Variants in SLC35H1 observed in about 807,000 individuals in gnomAD.
The protein encoded by SLC35H1 is solute carrier family 35 member H1, also known as ovarian cancer-overexpressed gene 1 protein.
the SLC35H1 span, chr20:46,347,677 G>C: frequency 6.6e-6 from 1 of 152,218 alleles, no homozygotes; most frequent in Non-Finnish European, 1.5e-5. Flanking sequence ...TTTCACAGCA[G>C]GATAAAGCAG....
the SLC35H1 span, chr20:46,357,732 G>A: frequency 7.4e-6 from 12 of 1,614,096 alleles, no homozygotes; most frequent in South Asian, 3.3e-5. Context: ...GGAAGATCAC[G>A]GCCAGGTGCA....
the SLC35H1 span, among the ~76,000 whole-genome samples, chr20:46,358,145 G>A: frequency 3.3e-5 from 5 of 152,160 alleles, no homozygotes; most frequent in African/African-American, 1.2e-4. Flanking sequence ...GCTGCTGCTT[G>A]AGCCCCAGTT....
the SLC35H1 span, chr20:46,358,872 CA>C: frequency 1.4e-6 from 1 of 739,904 alleles, no homozygotes; most frequent in Non-Finnish European, 2.3e-6. Flanking sequence ...GGGCTGCCCA[CA>C]ACGGCACAGG....
chr20:46,358,543 G>A, the SLC35H1 span: 20 of 1,613,968 alleles, frequency 1.2e-5, no homozygotes, highest in African/African-American at 6.7e-5. Context: ...CTGAGTCAGC[G>A]GGGGCAGGCA....
At chr20:46,350,655 G>C in the SLC35H1 span, 4 of 1,526,990 alleles carry the variant, frequency 2.6e-6, no homozygotes, top group Admixed American at 1.9e-5. Flanking sequence ...CTTCCTAGAG[G>C]AGTGACGGCA....
chr20:46,362,179 C>T, the SLC35H1 span, among the ~76,000 whole-genome samples: 1 of 152,200 alleles, frequency 6.6e-6, no homozygotes, highest in Non-Finnish European at 1.5e-5. Context: ...GAGCATTTAT[C>T]AAGCACTCCT....
At chr20:46,352,294 C>A in the SLC35H1 span, 1 of 1,380,194 alleles carries the variant, frequency 7.2e-7, no homozygotes, top group Non-Finnish European at 1.0e-6. Flanking sequence ...CAATGCCAAC[C>A]ACACAAGATC....
chr20:46,353,733 C>A, the SLC35H1 span, among the ~76,000 whole-genome samples: 1 of 152,074 alleles, frequency 6.6e-6, no homozygotes, highest in Non-Finnish European at 1.5e-5. Context: ...CAAGTGACGA[C>A]TACCAGGGGC....
chr20:46,358,034 C>T, the SLC35H1 span, among the ~76,000 whole-genome samples: 2 of 152,240 alleles, frequency 1.3e-5, no homozygotes, highest in Admixed American at 1.3e-4. Flanking sequence ...GAGCTACCTG[C>T]CCAGCCTTCC....
At chr20:46,362,885 G>C in the SLC35H1 span, among the ~76,000 whole-genome samples, 2 of 152,210 alleles carry the variant, frequency 1.3e-5, no homozygotes, top group Non-Finnish European at 2.9e-5. Flanking sequence ...TCCCGCCTCA[G>C]GCTCCCGAGG....
At chr20:46,357,946 C>G in the SLC35H1 span, among the ~76,000 whole-genome samples, 2 of 152,172 alleles carry the variant, frequency 1.3e-5, no homozygotes, top group Non-Finnish European at 2.9e-5. Context: ...ATGACAGACT[C>G]TTAGGTCACG....
the SLC35H1 span, chr20:46,347,997 A>T: frequency 6.6e-6 from 1 of 152,210 alleles, no homozygotes; most frequent in Non-Finnish European, 1.5e-5. Context: ...CAGACACCAC[A>T]GCCTTGGAGA....
At chr20:46,357,760 G>C in the SLC35H1 span, 1 of 1,614,092 alleles carries the variant, frequency 6.2e-7, no homozygotes, top group Non-Finnish European at 8.5e-7. Flanking sequence ...CATGAAGAGG[G>C]GGAAATGGAA....
the SLC35H1 span, chr20:46,352,639 TGACGATGGGATCCTAGCGGGATGAC>T: frequency 1.2e-3 from 139 of 114,544 alleles, 3 homozygotes; most frequent in Middle Eastern, 4.1e-3. Context: ...CCTAGCGGGA[TGACGATGGGATCCTAGCGGGATGAC>T]GATGGGATCC....
the SLC35H1 span, among the ~76,000 whole-genome samples, chr20:46,363,722 C>T: frequency 1.3e-5 from 2 of 152,338 alleles, no homozygotes; most frequent in African/African-American, 4.8e-5. Flanking sequence ...TCTTTCGCCC[C>T]TAAGGCCTGG....
the SLC35H1 span, chr20:46,349,472 C>T: frequency 6.6e-6 from 1 of 152,232 alleles, no homozygotes; most frequent in African/African-American, 2.4e-5. Context: ...CTCAGCCCGG[C>T]CACTTAAGCA....
chr20:46,352,061 C>T, the SLC35H1 span: 2 of 1,614,106 alleles, frequency 1.2e-6, no homozygotes, highest in Middle Eastern at 1.7e-4. Flanking sequence ...CTTAAAAATG[C>T]CGGCAATGGA....
At chr20:46,354,424 T>C in the SLC35H1 span, among the ~76,000 whole-genome samples, 151,422 of 152,280 alleles carry the variant, frequency 0.99, 75,288 homozygotes, top group Middle Eastern at 1. Flanking sequence ...TGATTCCCCA[T>C]TCCTTAGAGG....
chr20:46,356,672 G>T, the SLC35H1 span: 3 of 1,602,136 alleles, frequency 1.9e-6, no homozygotes, highest in East Asian at 2.3e-5. Context: ...GACAGCTTGG[G>T]AGGTCCACAC....
Sources: gnomAD v4.1 joint callset for allele counts (sites outside exome capture counted in the v4.1 genomes callset) on GRCh38, gnomAD v4.1.1 for gene constraint, MANE v1.5 for transcripts, NCBI Gene and HGNC (gene_info 2026-07-23, HGNC 2026-07-21) for gene names.